Variants in PRKG1 observed in about 807,000 individuals in gnomAD.
The protein encoded by PRKG1 is cGMP-dependent protein kinase 1.
A neutral mutation model predicts 88.1 loss-of-function variants in PRKG1; 35 were observed. That is an observed-to-expected ratio of 0.40 (90% CI 0.30 to 0.53). PRKG1 has a LOEUF of 0.53. PRKG1 is among the 20% of genes least tolerant of loss of function. PRKG1 has a pLI of 0.59. For missense variants in PRKG1, 540 were observed against 839.8 expected (o/e 0.64, Z 4.41); for synonymous variants, 303 against 292.5 (o/e 1.04, Z -0.37).
At chr10:51,917,906 G>T (rs1842378741) in intron 5 of PRKG1, among the ~76,000 whole-genome samples, 1 of 152,066 alleles carries the variant, frequency 6.6e-6, no homozygotes, top group East Asian at 1.9e-4. Flanking sequence ...GCTTTAAATT[G>T]GTGTCTAGTT....
intron 1 of PRKG1, among the ~76,000 whole-genome samples, chr10:51,086,329 T>G (rs563727436): frequency 1.8e-4 from 28 of 152,330 alleles, no homozygotes; most frequent in African/African-American, 5.5e-4. Flanking sequence ...TTTTGGCTTT[T>G]GGTGGGAAAT....
chr10:51,291,038 T>C (rs1312594791), intron 2 of PRKG1, among the ~76,000 whole-genome samples: 2 of 152,214 alleles, frequency 1.3e-5, no homozygotes, highest in Admixed American at 6.5e-5. Context: ...AATACAGTCT[T>C]CAGTGAAGTG....
At chr10:51,946,099 A>G (rs1211138879) in intron 5 of PRKG1, among the ~76,000 whole-genome samples, 1 of 152,036 alleles carries the variant, frequency 6.6e-6, no homozygotes, top group Non-Finnish European at 1.5e-5. Context: ...AGATACACCA[A>G]TCAGACGTAG....
intron 2 of PRKG1, among the ~76,000 whole-genome samples, chr10:51,417,330 T>C (rs1169870907): frequency 6.6e-6 from 1 of 152,194 alleles, no homozygotes; most frequent in East Asian, 1.9e-4. Flanking sequence ...TCACAAAAGC[T>C]TCCCCACTGG....
At chr10:51,825,245 A>G (rs1589324418) in intron 4 of PRKG1, among the ~76,000 whole-genome samples, 1 of 152,200 alleles carries the variant, frequency 6.6e-6, no homozygotes, top group African/African-American at 2.4e-5. Flanking sequence ...GCAAATTAAT[A>G]GAGACCAACT....
At chr10:51,942,186 A>G (rs1384934053) in intron 5 of PRKG1, among the ~76,000 whole-genome samples, 2 of 151,750 alleles carry the variant, frequency 1.3e-5, no homozygotes, top group Non-Finnish European at 2.9e-5. Flanking sequence ...TTTGATTTGC[A>G]TTTCTCTGAT....
At chr10:52,238,595 G>C in intron 9 of PRKG1, among the ~76,000 whole-genome samples, 1 of 150,842 alleles carries the variant, frequency 6.6e-6, no homozygotes, top group Non-Finnish European at 1.5e-5. Context: ...AGCCATCAGA[G>C]AAATGCAAAT....
Position 51,093,477 on chromosome 10 carries a change from C to A in PRKG1, c.311+18576C>A, listed in dbSNP as rs146002322. ...TGGCTTGTTCCCCTCCTTTTCAAGGCTGATCTGCCTTTCACTTCCAGGAGA... is the reference window on the plus strand; with the variant it reads ...TGGCTTGTTCCCCTCCTTTTCAAGGATGATCTGCCTTTCACTTCCAGGAGA... On this transcript the variant is annotated intron_variant, in intron 1 of 17. Coordinates refer to ENST00000373980, the MANE Select transcript of PRKG1 (RefSeq NM_006258.4). Among the ~76,000 whole-genome samples the A allele has an allele frequency of 4.2e-3, 637 of 152,160 alleles. 2 individuals are homozygous for A. The highest frequency in any genetic ancestry group is 0.014 in the African/African-American group (588 of 41,518).
chr10:51,060,822 G>C (rs1174341579), intron 1 of PRKG1, among the ~76,000 whole-genome samples: 1 of 151,986 alleles, frequency 6.6e-6, no homozygotes, highest in African/African-American at 2.4e-5. Flanking sequence ...TTATTTCTCT[G>C]AAAGTATACC....
At chr10:52,228,069 T>A (rs1346457181) in intron 9 of PRKG1, among the ~76,000 whole-genome samples, 1 of 152,186 alleles carries the variant, frequency 6.6e-6, no homozygotes, top group Non-Finnish European at 1.5e-5. Flanking sequence ...TCTCACGATT[T>A]GGAATTTTTA....
chr10:51,997,041 C>T (rs1844463735), intron 5 of PRKG1, among the ~76,000 whole-genome samples: 1 of 152,062 alleles, frequency 6.6e-6, no homozygotes, highest in Admixed American at 6.6e-5. Flanking sequence ...CATATGACTT[C>T]ACTCAGATGT....
At chr10:51,113,326 T>C (rs1845023814) in intron 1 of PRKG1, among the ~76,000 whole-genome samples, 1 of 152,174 alleles carries the variant, frequency 6.6e-6, no homozygotes, top group Non-Finnish European at 1.5e-5. Flanking sequence ...CCACTATATT[T>C]TTATGCCTTT....
intron 4 of PRKG1, among the ~76,000 whole-genome samples, chr10:51,883,470 A>C (rs1334086792): frequency 6.6e-6 from 1 of 152,262 alleles, no homozygotes; most frequent in African/African-American, 2.4e-5. Context: ...CTGTAAATTA[A>C]GCAAGTTTTG....
chr10:51,203,880 C>T (rs2132059890), intron 2 of PRKG1, among the ~76,000 whole-genome samples: 1 of 152,278 alleles, frequency 6.6e-6, no homozygotes, highest in East Asian at 1.9e-4. Context: ...CAGCATCTTT[C>T]CTGTTACACA....
chr10:52,250,683 TG>T (rs1421775614), intron 9 of PRKG1, among the ~76,000 whole-genome samples: 2 of 152,146 alleles, frequency 1.3e-5, no homozygotes, highest in African/African-American at 2.4e-5. Context: ...CGTTAGTGAG[TG>T]GGCAGATCAT....
chr10:52,252,574 G>A (rs1027821191), intron 10 of PRKG1: 1 of 151,940 alleles, frequency 6.6e-6, no homozygotes, highest in Non-Finnish European at 1.5e-5. Context: ...TGCCATCAGG[G>A]GTCAGGAGAA....
chr10:51,880,334 G>A (rs1841406974), intron 4 of PRKG1, among the ~76,000 whole-genome samples: 1 of 151,946 alleles, frequency 6.6e-6, no homozygotes, highest in South Asian at 2.1e-4. Context: ...CAATTATTAT[G>A]AAGCTTGATG....
chr10:51,435,446 CATATGACAT>C (rs1838898857), intron 2 of PRKG1, among the ~76,000 whole-genome samples: 1 of 147,580 alleles, frequency 6.8e-6, no homozygotes, highest in African/African-American at 2.5e-5. Context: ...ATATATATGT[CATATGACAT>C]ATATATATAT....
intron 1 of PRKG1, among the ~76,000 whole-genome samples, chr10:51,011,881 A>G (rs1246082186): frequency 6.6e-6 from 1 of 152,178 alleles, no homozygotes; most frequent in African/African-American, 2.4e-5. Flanking sequence ...AAGAGGTTTA[A>G]CGGACTCACA....
Sources: gnomAD v4.1 joint callset for allele counts (sites outside exome capture counted in the v4.1 genomes callset) on GRCh38, gnomAD v4.1.1 for gene constraint, MANE v1.5 for transcripts, NCBI Gene and HGNC (gene_info 2026-07-23, HGNC 2026-07-21) for gene names.